The following ZMIZ1 variants were observed in gnomAD, a reference collection of about 807,000 sequenced individuals.
ZMIZ1 encodes the protein zinc finger MIZ-type containing 1, also known as zinc finger MIZ domain-containing protein 1.
In ZMIZ1, 17 loss-of-function variants were observed where a neutral mutation model predicts 113.9. The observed-to-expected ratio is 0.15, with a 90% CI of 0.10 to 0.22. ZMIZ1 has a LOEUF of 0.22. ZMIZ1 is among the 10% of genes least tolerant of loss of function. ZMIZ1 has a pLI of 1.00. For synonymous variants in ZMIZ1, 607 were observed against 603.1 expected (o/e 1.01, Z -0.09); for missense variants, 1,059 against 1,477.8 (o/e 0.72, Z 4.65).
At chr10:79,178,697 C>G (rs1846976463) in intron 4 of ZMIZ1, among the ~76,000 whole-genome samples, 1 of 152,244 alleles carries the variant, frequency 6.6e-6, no homozygotes, top group Admixed American at 6.5e-5. Context: ...CCTCCCCCAC[C>G]CCCGCATGCT....
intron 3 of ZMIZ1, among the ~76,000 whole-genome samples, chr10:79,142,057 C>T (rs980410757): frequency 8.5e-5 from 13 of 152,104 alleles, no homozygotes; most frequent in East Asian, 3.8e-4. Context: ...TTTAAAAAGA[C>T]GGAGACAGTC....
intron 1 of ZMIZ1, among the ~76,000 whole-genome samples, chr10:79,084,768 A>G (rs1337479664): frequency 6.6e-6 from 1 of 151,820 alleles, no homozygotes. Context: ...GCAACTCCAG[A>G]ATCCTAGGGT....
chr10:79,184,364 C>T (rs1353237227), intron 4 of ZMIZ1, among the ~76,000 whole-genome samples: 2 of 152,210 alleles, frequency 1.3e-5, no homozygotes, highest in African/African-American at 2.4e-5. Context: ...GCAGGTGTGA[C>T]TCATGGCTCT....
In ZMIZ1 at chr10:79,194,676, G is replaced by A. The variant is rs534980817; in HGVS notation, c.-49-6908G>A. ...CCCAGCTCTGCTCACGATGCCCTCC[G>A]TGTCCTCTTCCTCTCCCCACCTCCG... On this transcript the variant is annotated intron_variant, in intron 4 of 24. Transcript: ENST00000334512. 9.2e-5 allele frequency among the ~76,000 whole-genome samples: 14 copies of A among 152,282 alleles called. No individual in the cohort carries two copies. In the East Asian group the frequency reaches 1.5e-3, roughly 17 times the overall value.
At chr10:79,301,029 TC>T in intron 17 of ZMIZ1, 87 bp downstream of exon 17, 1 of 1,536,408 alleles carries the variant, frequency 6.5e-7, no homozygotes, top group Non-Finnish European at 8.8e-7. Flanking sequence ...CCCACTCTGG[TC>T]CTCAGCCTTG....
In ZMIZ1 at chr10:79,122,133, G is replaced by A. The variant is rs559022945; in HGVS notation, c.-227+3109G>A. On this transcript the variant is annotated intron_variant, in intron 2 of 24. Coordinates refer to ENST00000334512, the MANE Select transcript of ZMIZ1 (RefSeq NM_020338.4). ...AAGTGTAGCAATTGTGGGATTTAGC[G>A]CCAAGAACTGAGTTCACGTGCAGGC... Among the ~76,000 whole-genome samples, 403 of 152,140 alleles carry A rather than the reference G, an allele frequency of 2.6e-3. 2 individuals carry two copies. Among genetic ancestry groups the A allele is most frequent in the African/African-American group, 9.5e-3 (393 of 41,516 alleles).
intron 7 of ZMIZ1, among the ~76,000 whole-genome samples, chr10:79,255,735 C>G (rs553888882): frequency 5.3e-5 from 8 of 152,268 alleles, no homozygotes; most frequent in African/African-American, 1.9e-4. Context: ...TTTCATTTTC[C>G]CGGGGCTCCA....
chr10:79,074,086 C>CT, intron 1 of ZMIZ1, among the ~76,000 whole-genome samples: 2 of 152,334 alleles, frequency 1.3e-5, no homozygotes, highest in Non-Finnish European at 2.9e-5. Context: ...GATTTAGAAG[C>CT]TTTTTCCATC....
chr10:79,314,050 C>G lies in ZMIZ1; in HGVS notation c.*1301C>G. ...TTCTGGGCCTGCCCCAGACACTGCC[C>G]TTGGCTGCCAGCCTACCCTGCCTGC... On this transcript the variant is annotated 3_prime_UTR_variant, in exon 25 of 25. Transcript: ENST00000334512. The G allele has an allele frequency of 2.2e-6, 1 of 456,904 alleles. No individual in the cohort carries two copies. Among genetic ancestry groups the G allele is most frequent in the South Asian group, 1.5e-5 (1 of 64,574 alleles). 28.3% of individuals were successfully genotyped at this position (456,904 alleles called of 1,614,324 possible). A position where few individuals can be genotyped will look rare whatever the true frequency, so the allele number is the denominator to read the frequency against.
chr10:79,154,870 C>G (rs1027235548), intron 3 of ZMIZ1, among the ~76,000 whole-genome samples: 3 of 152,140 alleles, frequency 2.0e-5, no homozygotes, highest in Non-Finnish European at 4.4e-5. Flanking sequence ...CCCATCCCAG[C>G]AGGACCCCAA....
In ZMIZ1 at chr10:79,293,562, C is replaced by T; in HGVS notation, c.1139C>T (p.Thr380Ile). The change falls in exon 12 of 25, where the codon ACA becomes ATA. Residue 380 changes from threonine to isoleucine, a missense_variant. Physicochemically the swap from Thr to Ile is moderately conservative, Grantham distance 89. This residue lies in a region of ZMIZ1 where 239 missense variants were observed against 247.5 expected (regional missense o/e 0.97). Transcript: ENST00000334512. Reference sequence around the variant, plus strand: ...CCGCCCGGCATCAGCCCCTTTGGCACACACGGGCAGCGGATGCCCCAGCAG... The same window carrying T: ...CCGCCCGGCATCAGCCCCTTTGGCATACACGGGCAGCGGATGCCCCAGCAG... Reference protein sequence around the residue: ...PRPPGISPFGTHGQRMPQQTY... With the variant: ...PRPPGISPFGIHGQRMPQQTY... 1 of 1,612,994 alleles carries T rather than the reference C, an allele frequency of 6.2e-7. No individual in the cohort carries two copies. The highest frequency in any genetic ancestry group is 8.5e-7 in the Non-Finnish European group (1 of 1,179,940).
At chr10:79,303,890 G>A (rs1274670181) in intron 18 of ZMIZ1, 125 bp from the exon 19 acceptor site, 4 of 1,361,186 alleles carry the variant, frequency 2.9e-6, no homozygotes, top group African/African-American at 1.4e-5. Flanking sequence ...TCAGCGTTTG[G>A]TGTGGGCTGG....
At position 79,256,848 on chromosome 10, in the gene ZMIZ1, AG is replaced by A. The variant is rs376191399; in HGVS notation, c.281-20331del. ...CATGCCCCATCTGATCCTCACAGAAAGGTTTGTGCATGCTTGTGATTTTGCT... is the reference window on the plus strand; with the variant it reads ...CATGCCCCATCTGATCCTCACAGAAAGTTTGTGCATGCTTGTGATTTTGCT... On this transcript the variant is annotated intron_variant, in intron 7 of 24. Coordinates refer to ENST00000334512, the MANE Select transcript of ZMIZ1 (RefSeq NM_020338.4). Among the ~76,000 whole-genome samples, 803 of 152,300 alleles carry A rather than the reference AG, an allele frequency of 5.3e-3. 4 individuals are homozygous for A. Among genetic ancestry groups the A allele is most frequent in the South Asian group, 0.011 (55 of 4,832 alleles).
At chr10:79,242,747 A>C (rs1398740768) in intron 7 of ZMIZ1, among the ~76,000 whole-genome samples, 1 of 151,824 alleles carries the variant, frequency 6.6e-6, no homozygotes, top group East Asian at 1.9e-4. Context: ...CACTCGCACA[A>C]GTGTTGCTTC....
intron 4 of ZMIZ1, among the ~76,000 whole-genome samples, chr10:79,185,665 G>A (rs1847323168): frequency 6.6e-6 from 1 of 152,182 alleles, no homozygotes; most frequent in African/African-American, 2.4e-5. Context: ...TTGATCCACA[G>A]ATTTGCAGAG....
In ZMIZ1 at chr10:79,201,616, C is replaced by G; in HGVS notation, c.-17C>G. The G allele has an allele frequency of 6.2e-7, 1 of 1,613,382 alleles. No homozygotes were observed. The highest frequency in any genetic ancestry group is 1.1e-5 in the South Asian group (1 of 90,982). On this transcript the variant is annotated 5_prime_UTR_variant, in exon 5 of 25. Transcript: ENST00000334512. ...AACGTTCATGGCTCTCGGGTAGAAC[C>G]TAGTGAAACGGCCAGAATGAATTCT... is the stretch of plus-strand genomic sequence containing the variant.
intron 2 of ZMIZ1, among the ~76,000 whole-genome samples, chr10:79,128,172 A>T (rs1844596917): frequency 6.6e-6 from 1 of 152,034 alleles, no homozygotes; most frequent in African/African-American, 2.4e-5. Flanking sequence ...TGGGTGCAGT[A>T]CCTGTCCAGG....
intron 7 of ZMIZ1, among the ~76,000 whole-genome samples, chr10:79,259,125 G>C (rs1851099067): frequency 6.6e-6 from 1 of 152,202 alleles, no homozygotes; most frequent in African/African-American, 2.4e-5. Context: ...TGGATGATGT[G>C]AGCTTTGTTA....
chr10:79,266,299 A>T (rs1851599325), intron 7 of ZMIZ1, among the ~76,000 whole-genome samples: 1 of 152,216 alleles, frequency 6.6e-6, no homozygotes, highest in African/African-American at 2.4e-5. Flanking sequence ...TCACAGAATT[A>T]TGGGCATGAA....
Sources: allele counts gnomAD v4.1 joint callset (sites outside exome capture counted in the v4.1 genomes callset), GRCh38; gene constraint gnomAD v4.1.1; regional missense constraint gnomAD v4.1.1; transcripts MANE v1.5; gene names NCBI Gene and HGNC (gene_info 2026-07-23, HGNC 2026-07-21).